DMRT1: variants seen among roughly 807,000 people sequenced by gnomAD.
DMRT1 encodes the protein doublesex and mab-3 related transcription factor 1.
DMRT1 carries 7 observed loss-of-function variants against 32.3 expected under a neutral mutation model. The observed-to-expected ratio is 0.22, with a 90% CI of 0.12 to 0.41. DMRT1 has a LOEUF of 0.41. Among genes scored for constraint, DMRT1 ranks in the 10% least tolerant of loss-of-function variants. The pLI is 1.00. For missense variants in DMRT1, 625 were observed against 500.5 expected (o/e 1.25, Z -2.37); for synonymous variants, 278 against 206.1 (o/e 1.35, Z -2.99).
intron 4 of DMRT1, among the ~76,000 whole-genome samples, chr9:920,926 A>G (rs74466767): frequency 0.032 from 4,862 of 152,242 alleles, 250 homozygotes; most frequent in African/African-American, 0.11. Context: ...CTTTATAGCA[A>G]TTTGGTAGAG....
At chr9:890,995 T>A (rs921777952) in intron 2 of DMRT1, among the ~76,000 whole-genome samples, 1 of 151,236 alleles carries the variant, frequency 6.6e-6, no homozygotes, top group Admixed American at 6.6e-5. Context: ...CCTCCCAAAG[T>A]ACTGGGATTA....
intron 2 of DMRT1, among the ~76,000 whole-genome samples, chr9:860,853 A>G (rs1430943139): frequency 6.6e-6 from 1 of 152,134 alleles, no homozygotes; most frequent in Non-Finnish European, 1.5e-5. Flanking sequence ...CAGCAAGGTG[A>G]GACTGTGCTG....
chr9:879,048 C>G (rs1296320860), intron 2 of DMRT1, among the ~76,000 whole-genome samples: 1 of 152,162 alleles, frequency 6.6e-6, no homozygotes, highest in African/African-American at 2.4e-5. Flanking sequence ...AAAGCCAGAG[C>G]TGCCTGGTTA....
chr9:875,999 C>T (rs73384497), intron 2 of DMRT1, among the ~76,000 whole-genome samples: 1,835 of 152,176 alleles, frequency 0.012, 44 homozygotes, highest in African/African-American at 0.042. Flanking sequence ...CTCGAGTTCC[C>T]GCCCCTACAC....
At chr9:901,485 C>A (rs1247879235) in intron 3 of DMRT1, among the ~76,000 whole-genome samples, 1 of 151,984 alleles carries the variant, frequency 6.6e-6, no homozygotes, top group African/African-American at 2.4e-5. Context: ...TGCCACCATG[C>A]CTGGCTAATT....
chr9:908,768 T>C (rs1364945744), intron 3 of DMRT1, among the ~76,000 whole-genome samples: 2 of 152,218 alleles, frequency 1.3e-5, no homozygotes. Context: ...GAATCACTTC[T>C]GAAATGGTTG....
chr9:896,342 G>A (rs1022770941), intron 3 of DMRT1, among the ~76,000 whole-genome samples: 5 of 138,104 alleles, frequency 3.6e-5, no homozygotes, highest in African/African-American at 8.2e-5. Context: ...AGGCTGGTGC[G>A]ATCTTGGCTC....
chr9:890,083 G>GGGTTTTTTTTTTTTTTT (rs1273507545), intron 2 of DMRT1, among the ~76,000 whole-genome samples: 1 of 108,886 alleles, frequency 9.2e-6, no homozygotes, highest in African/African-American at 3.2e-5. Flanking sequence ...GCCACCAAAC[G>GGGTTTTTTTTTTTTTTT]TGTTTTTTTT....
chr9:944,097 TGTAA>T (rs1819164811), intron 4 of DMRT1, among the ~76,000 whole-genome samples: 1 of 152,236 alleles, frequency 6.6e-6, no homozygotes, highest in African/African-American at 2.4e-5. Flanking sequence ...TTTTCCTGAC[TGTAA>T]GTTGGAGGTG....
chr9:873,800 A>G (rs1043153360), intron 2 of DMRT1, among the ~76,000 whole-genome samples: 2 of 152,202 alleles, frequency 1.3e-5, no homozygotes, highest in African/African-American at 4.8e-5. Flanking sequence ...ATTTGGAGAG[A>G]CTAAGGCTAA....
intron 4 of DMRT1, among the ~76,000 whole-genome samples, chr9:934,347 G>A (rs1228399972): frequency 6.6e-6 from 1 of 152,064 alleles, no homozygotes; most frequent in Non-Finnish European, 1.5e-5. Flanking sequence ...TTCTTCTTCT[G>A]TTGCCTGTGC....
At chr9:842,263 C>G (rs1444112132) in intron 1 of DMRT1, 71 bp downstream of exon 1, 5 of 1,441,608 alleles carry the variant, frequency 3.5e-6, no homozygotes, top group Admixed American at 4.9e-5. Flanking sequence ...TAGATGGAGT[C>G]TCGCTCGGTT....
In DMRT1 at chr9:872,212, C is replaced by G. The variant is rs185626305; in HGVS notation, c.539-21700C>G. Among the ~76,000 whole-genome samples the G allele has an allele frequency of 8.3e-4, 126 of 151,444 alleles. 2 individuals are homozygous for G. Among genetic ancestry groups the G allele is most frequent in the Admixed American group, 7.0e-3 (107 of 15,264 alleles). On this transcript the variant is annotated intron_variant, in intron 2 of 4. Transcript: ENST00000382276. ...GAGTAGCTGGGATTACAGGCGCCCG[C>G]CACCATGCCAGGCTAATTTTTTGTA...
intron 3 of DMRT1, among the ~76,000 whole-genome samples, chr9:907,773 G>C (rs903966875): frequency 2.0e-5 from 3 of 151,468 alleles, no homozygotes; most frequent in Non-Finnish European, 4.4e-5. Context: ...CTTTTATTCT[G>C]TTCTGTTCTA....
intron 2 of DMRT1, among the ~76,000 whole-genome samples, chr9:864,114 G>C (rs1398734109): frequency 1.3e-5 from 2 of 152,122 alleles, no homozygotes; most frequent in African/African-American, 4.8e-5. Context: ...TCCACTTCCT[G>C]TTGGTAGGCC....
At chr9:954,275 G>GT (rs1819522258) in intron 4 of DMRT1, among the ~76,000 whole-genome samples, 1 of 152,136 alleles carries the variant, frequency 6.6e-6, no homozygotes, top group African/African-American at 2.4e-5. Context: ...TTTTGGAAGC[G>GT]TAACAGCCAC....
intron 4 of DMRT1, among the ~76,000 whole-genome samples, chr9:932,736 T>C (rs982534649): frequency 1.3e-5 from 2 of 152,130 alleles, no homozygotes; most frequent in African/African-American, 4.8e-5. Flanking sequence ...TGGCTACAAA[T>C]TAGGGGTTCC....
intron 4 of DMRT1, among the ~76,000 whole-genome samples, chr9:937,985 C>G (rs1252446884): frequency 1.3e-5 from 2 of 151,968 alleles, no homozygotes; most frequent in Admixed American, 6.6e-5. Flanking sequence ...AGTTTTAGCT[C>G]TTAAGATCTT....
chr9:850,608 T>C (rs1006574624), intron 2 of DMRT1, among the ~76,000 whole-genome samples: 2 of 152,228 alleles, frequency 1.3e-5, no homozygotes, highest in South Asian at 4.1e-4. Context: ...TGTTTATCCT[T>C]TTCATATGTA....
Sources: allele counts gnomAD v4.1 joint callset (sites outside exome capture counted in the v4.1 genomes callset), GRCh38; gene constraint gnomAD v4.1.1; transcripts MANE v1.5; gene names NCBI Gene and HGNC (gene_info 2026-07-23, HGNC 2026-07-21).